The following ADAMTSL3 variants were observed in gnomAD, a reference collection of about 807,000 sequenced individuals.
ADAMTSL3 encodes the protein ADAMTS-like protein 3.
In ADAMTSL3, 128 loss-of-function variants were observed where a neutral mutation model predicts 201.7. The observed-to-expected ratio is 0.63, with a 90% confidence interval of 0.55 to 0.73. ADAMTSL3 has a LOEUF of 0.73. Ranked by LOEUF, ADAMTSL3 falls within the 30% of genes least tolerant of loss-of-function variation. The probability of loss-of-function intolerance (pLI) is 0.00; values close to 1 mark genes in which losing one functional copy is unlikely to be tolerated. For missense variants in ADAMTSL3, 1,990 were observed against 2,119.6 expected (o/e 0.94, Z 1.20); for synonymous variants, 738 against 748.4 (o/e 0.99, Z 0.23).
intron 9 of ADAMTSL3, among the ~76,000 whole-genome samples, chr15:83,872,219 T>G (rs992365774): frequency 6.6e-6 from 1 of 152,106 alleles, no homozygotes; most frequent in Non-Finnish European, 1.5e-5. Context: ...TGGGAAGAGC[T>G]TGCATTTTAC....
intron 7 of ADAMTSL3, among the ~76,000 whole-genome samples, chr15:83,858,524 C>T (rs1022879941): frequency 7.9e-5 from 12 of 152,172 alleles, no homozygotes; most frequent in Admixed American, 1.3e-4. Flanking sequence ...AGGCACACGC[C>T]ATCACACCTG....
At chr15:83,699,988 C>T (rs1387467887) in intron 2 of ADAMTSL3, among the ~76,000 whole-genome samples, 1 of 152,184 alleles carries the variant, frequency 6.6e-6, no homozygotes, top group Non-Finnish European at 1.5e-5. Flanking sequence ...ACTTATTTTA[C>T]TATGTATCTC....
At chr15:83,755,912 C>T (rs772448826) in intron 3 of ADAMTSL3, among the ~76,000 whole-genome samples, 5 of 152,162 alleles carry the variant, frequency 3.3e-5, no homozygotes, top group Non-Finnish European at 5.9e-5. Context: ...AGGCGCCTGC[C>T]ACCACATCTG....
At chr15:83,670,090 T>G (rs2061309901) in intron 2 of ADAMTSL3, among the ~76,000 whole-genome samples, 1 of 151,256 alleles carries the variant, frequency 6.6e-6, no homozygotes, top group Non-Finnish European at 1.5e-5. Context: ...AAATCTCATC[T>G]CTACTAAAAA....
intron 2 of ADAMTSL3, among the ~76,000 whole-genome samples, chr15:83,700,713 G>A (rs1379672366): frequency 6.6e-5 from 10 of 152,110 alleles, no homozygotes; most frequent in Admixed American, 5.9e-4. Flanking sequence ...GCAGTGAGCT[G>A]AAATCACGTC....
rs781474522 is a variant in ADAMTSL3 at position 84,025,296 on chromosome 15, C to T, written c.4516C>T (p.Arg1506Trp). 20 of 1,613,696 alleles carry T rather than the reference C, an allele frequency of 1.2e-5. No individual in the cohort carries two copies. Among genetic ancestry groups the T allele is most frequent in the African/African-American group, 2.7e-5 (2 of 74,910 alleles). Residue 1506 changes from arginine to tryptophan, a missense_variant, in exon 27 of 30, where the codon CGG becomes TGG. Arg to Trp is a moderately radical substitution (Grantham distance 101). Transcript: ENST00000286744. ...SVSCGEGYHS[R>W]QVTCKRTKAN... ...GTCTTGCGGTGAAGGATACCACAGT[C>T]GGCAGGTGACGTGCAAGCGGACAAA...
At chr15:83,954,620 A>T (rs565036897) in intron 19 of ADAMTSL3, among the ~76,000 whole-genome samples, 2 of 152,278 alleles carry the variant, frequency 1.3e-5, no homozygotes, top group East Asian at 3.9e-4. Flanking sequence ...TAGTCTTCAC[A>T]ATCTGGGCTT....
At chr15:83,933,997 T>C (rs530344479) in intron 17 of ADAMTSL3, among the ~76,000 whole-genome samples, 1 of 152,080 alleles carries the variant, frequency 6.6e-6, no homozygotes, top group Non-Finnish European at 1.5e-5. Flanking sequence ...GCTGGGGCAA[T>C]ACAGAAGGGA....
intron 4 of ADAMTSL3, among the ~76,000 whole-genome samples, chr15:83,781,097 G>GA (rs1008037855): frequency 3.7e-4 from 54 of 147,282 alleles, no homozygotes; most frequent in East Asian, 2.6e-3. Flanking sequence ...TACAGAACTA[G>GA]AAAAAAAAAA....
chr15:83,758,980 A>C, intron 3 of ADAMTSL3, among the ~76,000 whole-genome samples: 1 of 151,816 alleles, frequency 6.6e-6, no homozygotes, highest in Non-Finnish European at 1.5e-5. Flanking sequence ...TTCTTGTGGG[A>C]TTTTGTAGGC....
intron 2 of ADAMTSL3, among the ~76,000 whole-genome samples, chr15:83,657,130 AC>A (rs1355876527): frequency 1.3e-5 from 2 of 152,204 alleles, no homozygotes; most frequent in Admixed American, 1.3e-4. Context: ...GTGGAGACTT[AC>A]GTTTCTGTCT....
chr15:83,835,318 C>A (rs1368272770), intron 6 of ADAMTSL3, among the ~76,000 whole-genome samples: 1 of 151,404 alleles, frequency 6.6e-6, no homozygotes, highest in Admixed American at 6.6e-5. Flanking sequence ...ATTTCAAAGG[C>A]ATTTCTGGCT....
chr15:83,743,920 G>A (rs1271358795), intron 3 of ADAMTSL3, among the ~76,000 whole-genome samples: 2 of 151,040 alleles, frequency 1.3e-5, no homozygotes, highest in Non-Finnish European at 2.9e-5. Context: ...GTGTGATCTC[G>A]GTTCACTGCA....
At chr15:83,797,570 C>T (rs946186196) in intron 4 of ADAMTSL3, among the ~76,000 whole-genome samples, 4 of 151,998 alleles carry the variant, frequency 2.6e-5, no homozygotes, top group African/African-American at 9.7e-5. Flanking sequence ...CACTGCACTC[C>T]AGCCTATGTG....
At chr15:83,937,007 A>G (rs1046260594) in intron 17 of ADAMTSL3, among the ~76,000 whole-genome samples, 1 of 150,876 alleles carries the variant, frequency 6.6e-6, no homozygotes, top group Non-Finnish European at 1.5e-5. Context: ...AAAGTCAAAA[A>G]ATTACAGATG....
chr15:83,989,839 C>T (rs574312869), intron 22 of ADAMTSL3, among the ~76,000 whole-genome samples: 1 of 152,250 alleles, frequency 6.6e-6, no homozygotes, highest in South Asian at 2.1e-4. Context: ...AAATTTTATA[C>T]ATGTATTTGC....
At chr15:83,747,553 G>C (rs928967073) in intron 3 of ADAMTSL3, among the ~76,000 whole-genome samples, 2 of 152,184 alleles carry the variant, frequency 1.3e-5, no homozygotes, top group African/African-American at 2.4e-5. Flanking sequence ...AAGTGACCCT[G>C]TGCCCTGGCT....
intron 3 of ADAMTSL3, among the ~76,000 whole-genome samples, chr15:83,750,146 C>G (rs1420930011): frequency 2.0e-5 from 3 of 152,202 alleles, no homozygotes; most frequent in Admixed American, 6.5e-5. Flanking sequence ...ATTATGGATT[C>G]AAGCTGAACC....
chr15:83,656,868 T>C (rs2061092014), intron 2 of ADAMTSL3, among the ~76,000 whole-genome samples: 2 of 152,234 alleles, frequency 1.3e-5, no homozygotes, highest in Non-Finnish European at 2.9e-5. Flanking sequence ...GATAAATTAA[T>C]CAGACTCCTC....
Sources: allele counts gnomAD v4.1 joint callset (sites outside exome capture counted in the v4.1 genomes callset), GRCh38; gene constraint gnomAD v4.1.1; transcripts MANE v1.5; gene names NCBI Gene and HGNC (gene_info 2026-07-23, HGNC 2026-07-21).